CNTNAP2: variants seen among roughly 807,000 people sequenced by gnomAD.
The protein encoded by CNTNAP2 is contactin-associated protein-like 2.
A neutral mutation model predicts 155.2 loss-of-function variants in CNTNAP2; 98 were observed. The ratio of observed to expected loss-of-function variants is 0.63; its 90% confidence interval spans 0.54 to 0.75. The LOEUF is 0.75. Ranked by LOEUF, CNTNAP2 falls within the 30% of genes least tolerant of loss-of-function variation. The probability of loss-of-function intolerance (pLI) is 0.00; values close to 1 mark genes in which losing one functional copy is unlikely to be tolerated. For synonymous variants in CNTNAP2, 651 were observed against 631.2 expected (o/e 1.03, Z -0.47); for missense variants, 1,727 against 1,688.1 (o/e 1.02, Z -0.40).
intron 11 of CNTNAP2, among the ~76,000 whole-genome samples, chr7:147,534,050 C>T (rs984811317): frequency 6.6e-6 from 1 of 152,134 alleles, no homozygotes; most frequent in East Asian, 1.9e-4. Flanking sequence ...TTAGAATTTA[C>T]GCAATTCTCT....
At chr7:146,436,171 TA>T (rs1796240557) in intron 1 of CNTNAP2, among the ~76,000 whole-genome samples, 1 of 152,158 alleles carries the variant, frequency 6.6e-6, no homozygotes, top group Non-Finnish European at 1.5e-5. Context: ...ACTCTTAGAA[TA>T]AACCATAGGG....
chr7:147,320,219 T>C (rs1252867185), intron 9 of CNTNAP2, among the ~76,000 whole-genome samples: 1 of 152,160 alleles, frequency 6.6e-6, no homozygotes, highest in Non-Finnish European at 1.5e-5. Context: ...GCCCCTTTCT[T>C]TAAGGACACT....
chr7:147,739,825 A>G (rs1051117152), intron 13 of CNTNAP2, among the ~76,000 whole-genome samples: 5 of 152,046 alleles, frequency 3.3e-5, no homozygotes, highest in Non-Finnish European at 7.4e-5. Context: ...TATATTTCAT[A>G]TATATATAAA....
chr7:146,527,134 G>A (rs1797702785), intron 1 of CNTNAP2, among the ~76,000 whole-genome samples: 1 of 151,876 alleles, frequency 6.6e-6, no homozygotes, highest in Non-Finnish European at 1.5e-5. Context: ...AATATGTAAT[G>A]ATTTGCCTTT....
intron 1 of CNTNAP2, among the ~76,000 whole-genome samples, chr7:146,452,993 A>G (rs1048407066): frequency 7.9e-5 from 12 of 152,224 alleles, no homozygotes; most frequent in African/African-American, 2.9e-4. Context: ...TACTGTGTGG[A>G]AAGAATGATT....
chr7:148,371,591 C>CTAT (rs1798887152), intron 21 of CNTNAP2, among the ~76,000 whole-genome samples: 2 of 152,254 alleles, frequency 1.3e-5, no homozygotes, highest in African/African-American at 4.8e-5. Flanking sequence ...CAATTTCTAC[C>CTAT]TATTTATCAA....
chr7:147,872,740 G>A (rs1284666974), intron 13 of CNTNAP2, among the ~76,000 whole-genome samples: 1 of 152,018 alleles, frequency 6.6e-6, no homozygotes, highest in East Asian at 1.9e-4. Flanking sequence ...TTTTTTGGGG[G>A]CGTAGATTAC....
intron 3 of CNTNAP2, among the ~76,000 whole-genome samples, chr7:146,900,619 C>G (rs1480157946): frequency 6.6e-6 from 1 of 152,166 alleles, no homozygotes; most frequent in Non-Finnish European, 1.5e-5. Context: ...TCATCCACTC[C>G]TCTCCCACTC....
chr7:147,847,864 T>A (rs1246688604), intron 13 of CNTNAP2, among the ~76,000 whole-genome samples: 1 of 105,434 alleles, frequency 9.5e-6, no homozygotes, highest in East Asian at 2.6e-4. Flanking sequence ...CCGTGTGAGG[T>A]GTCAGTGTGC....
intron 13 of CNTNAP2, among the ~76,000 whole-genome samples, chr7:147,663,091 C>T (rs1326049163): frequency 1.3e-5 from 2 of 152,112 alleles, no homozygotes; most frequent in Non-Finnish European, 2.9e-5. Flanking sequence ...CTCCACTTCC[C>T]GGGTTCAAGT....
chr7:146,471,681 A>T (rs979613618), intron 1 of CNTNAP2, among the ~76,000 whole-genome samples: 2 of 152,234 alleles, frequency 1.3e-5, no homozygotes, highest in East Asian at 1.9e-4. Context: ...GCGTGTTTGA[A>T]CTTCTCATGT....
intron 12 of CNTNAP2, among the ~76,000 whole-genome samples, chr7:147,606,943 A>G (rs1352603998): frequency 6.6e-6 from 1 of 152,088 alleles, no homozygotes; most frequent in Admixed American, 6.5e-5. Flanking sequence ...TTTTTTTTTA[A>G]TGAGTGAAAT....
intron 3 of CNTNAP2, among the ~76,000 whole-genome samples, chr7:146,921,974 C>T (rs925357169): frequency 6.6e-6 from 1 of 152,038 alleles, no homozygotes; most frequent in East Asian, 1.9e-4. Flanking sequence ...AGAAAAACAT[C>T]CGTTGAATAT....
chr7:146,483,399 T>C (rs1252374236), intron 1 of CNTNAP2, among the ~76,000 whole-genome samples: 3 of 146,150 alleles, frequency 2.1e-5, no homozygotes, highest in Non-Finnish European at 4.5e-5. Context: ...CATTCATTGT[T>C]ACATAATTTT....
intron 1 of CNTNAP2, among the ~76,000 whole-genome samples, chr7:146,714,833 T>C (rs1210066599): frequency 6.6e-6 from 1 of 152,138 alleles, no homozygotes; most frequent in African/African-American, 2.4e-5. Context: ...ATAGTCACTG[T>C]GATATATGGT....
chr7:147,244,146 C>G (rs750318706), intron 8 of CNTNAP2, among the ~76,000 whole-genome samples: 1 of 152,134 alleles, frequency 6.6e-6, no homozygotes, highest in Non-Finnish European at 1.5e-5. Flanking sequence ...CATTCTTGCT[C>G]TTTGTACATT....
chr7:147,370,525 G>A (rs1189835135), intron 9 of CNTNAP2, among the ~76,000 whole-genome samples: 2 of 152,192 alleles, frequency 1.3e-5, no homozygotes, highest in South Asian at 2.1e-4. Flanking sequence ...CATGATGGGA[G>A]TATCTACAAT....
At chr7:147,796,515 A>G (rs183647955) in intron 13 of CNTNAP2, among the ~76,000 whole-genome samples, 293 of 152,198 alleles carry the variant, frequency 1.9e-3, no homozygotes, top group Non-Finnish European at 3.4e-3. Context: ...AGCACTTACC[A>G]ACAGAGCAGT....
At chr7:148,207,671 G>T (rs561272604) in intron 18 of CNTNAP2, among the ~76,000 whole-genome samples, 1 of 152,190 alleles carries the variant, frequency 6.6e-6, no homozygotes, top group Non-Finnish European at 1.5e-5. Flanking sequence ...CCCCCAAAAT[G>T]ATATGCCACA....
Sources: gnomAD v4.1 joint callset for allele counts (sites outside exome capture counted in the v4.1 genomes callset) on GRCh38, gnomAD v4.1.1 for gene constraint, MANE v1.5 for transcripts, NCBI Gene and HGNC (gene_info 2026-07-23, HGNC 2026-07-21) for gene names.